The following MAPK8IP1 variants were observed in gnomAD, a reference collection of about 807,000 sequenced individuals.
MAPK8IP1 encodes the protein mitogen-activated protein kinase 8 interacting protein 1.
A neutral mutation model predicts 72.6 loss-of-function variants in MAPK8IP1; 17 were observed. The observed-to-expected ratio is 0.23, with a 90% CI of 0.16 to 0.35. The LOEUF (loss-of-function observed/expected upper bound fraction) is 0.35. Among genes scored for constraint, MAPK8IP1 ranks in the 10% least tolerant of loss-of-function variants. The pLI is 1.00. For synonymous variants in MAPK8IP1, 401 were observed against 443.4 expected (o/e 0.90, Z 1.20); for missense variants, 789 against 1,009.7 (o/e 0.78, Z 2.96).
intron 1 of MAPK8IP1, among the ~76,000 whole-genome samples, chr11:45,890,472 T>G (rs751127610): frequency 6.6e-6 from 1 of 152,196 alleles, no homozygotes; most frequent in Non-Finnish European, 1.5e-5. Context: ...ATCCTGGGGC[T>G]CACGCACCCA....
chr11:45,897,321 G>A (rs1277091511), intron 1 of MAPK8IP1, among the ~76,000 whole-genome samples: 1 of 152,110 alleles, frequency 6.6e-6, no homozygotes, highest in Admixed American at 6.5e-5. Context: ...GCTGGCCTAG[G>A]GAGAGGGGGG....
chr11:45,885,851 G>T lies in MAPK8IP1; in HGVS notation c.31G>T (p.Gly11Trp). 2.8e-6 allele frequency: 4 copies of T among 1,446,642 alleles called. No homozygotes were observed. Among genetic ancestry groups the T allele is most frequent in the Non-Finnish European group, 3.6e-6 (4 of 1,096,224 alleles). 89.6% of individuals were successfully genotyped at this position (1,446,642 alleles called of 1,614,324 possible). A position where few individuals can be genotyped will look rare whatever the true frequency, so the allele number is the denominator to read the frequency against. ...GGAGCGAGAAAGCGGCGGCCTGGGA[G>T]GGGGGGCCGCGTCCCCGCCCGCCGC... MAERESGGLG[G>W]GAASPPAASP... is the part of the protein sequence containing the mutation. The change falls in exon 1 of 12, where the codon GGG becomes TGG. Residue 11 changes from glycine (G) to tryptophan (W), a missense_variant. By Grantham distance (184) the Gly-to-Trp change is radical. This residue lies in a region of MAPK8IP1 where 112 missense variants were observed against 111.8 expected (regional missense o/e 1.00). Coordinates refer to ENST00000241014, the MANE Select transcript of MAPK8IP1 (RefSeq NM_005456.4).
intron 1 of MAPK8IP1, among the ~76,000 whole-genome samples, chr11:45,897,319 A>G (rs945492634): frequency 6.6e-6 from 1 of 151,964 alleles, no homozygotes; most frequent in African/African-American, 2.4e-5. Flanking sequence ...GGGCTGGCCT[A>G]GGGAGAGGGG....
In MAPK8IP1 at chr11:45,903,740, C is replaced by T. The variant is rs555714112; in HGVS notation, c.1494-249C>T. 7.9e-5 allele frequency among the ~76,000 whole-genome samples: 12 copies of T among 152,170 alleles called. No individual in the cohort carries two copies. In the South Asian group the frequency reaches 2.5e-3, roughly 32 times the overall value. On this transcript the variant is annotated intron_variant, in intron 6 of 11. Coordinates refer to ENST00000241014, the MANE Select transcript of MAPK8IP1 (RefSeq NM_005456.4). The surrounding 1 kb of genome is among the most constrained non-coding windows in gnomAD (Gnocchi z 6.4). ...TGACCCTTCTCTAGACAAAAGCCTG[C>T]GCTTCCCACAGCCTCTCCATTTTAG... is the stretch of plus-strand genomic sequence containing the variant.
chr11:45,904,894 T>A lies in MAPK8IP1; in HGVS notation c.1893+60T>A. 1 of 1,605,680 alleles carries A rather than the reference T, an allele frequency of 6.2e-7. No individual in the cohort carries two copies. Among genetic ancestry groups the A allele is most frequent in the Non-Finnish European group, 8.5e-7 (1 of 1,172,496 alleles). ...GCCCCAAGCTCTCCCCCAAGACTTG[T>A]GATGAAGAGGCCATCTCCTGTCACC... On this transcript the variant is annotated intron_variant, in intron 9 of 11. Transcript: ENST00000241014. The surrounding 1 kb of genome is among the most constrained non-coding windows in gnomAD (Gnocchi z 6.4).
Position 45,902,947 on chromosome 11 carries a change from G to C in MAPK8IP1, c.1180G>C (p.Val394Leu). The C allele has an allele frequency of 6.2e-7, 1 of 1,611,960 alleles. No individual in the cohort carries two copies. The highest frequency in any genetic ancestry group is 8.5e-7 in the Non-Finnish European group (1 of 1,179,784). ...AGATGAGCATGCACAGCTGGAGCTG[G>C]TGAGCCTGCGGCCGTGCTTCGGAGA... ...VVDEHAQLEL[V>L]SLRPCFGDYS... is the part of the protein sequence containing the mutation. Residue 394 changes from valine (V) to leucine (L), a missense_variant, in exon 5 of 12, where the codon GTG becomes CTG. Val to Leu is a conservative substitution (Grantham distance 32, BLOSUM62 1). Transcript: ENST00000241014. This position sits in a 1 kb window ranked among gnomAD's most constrained non-coding sequence, Gnocchi z 9.3.
intron 1 of MAPK8IP1, among the ~76,000 whole-genome samples, chr11:45,897,418 TCTC>T (rs1442396515): frequency 6.6e-6 from 1 of 152,140 alleles, no homozygotes; most frequent in East Asian, 1.9e-4. Context: ...ACCTGGGGCT[TCTC>T]CTGACCCCAT....
intron 2 of MAPK8IP1, among the ~76,000 whole-genome samples, chr11:45,899,032 TG>T (rs2086629574): frequency 6.6e-6 from 1 of 152,082 alleles, no homozygotes; most frequent in South Asian, 2.1e-4. Context: ...AGGTGTGCCT[TG>T]GGGAGGGAGT....
In MAPK8IP1 at chr11:45,900,473, G is replaced by A. The variant is rs1231165315; in HGVS notation, c.522+21G>A. ...CTCAGGTGAGGCGCCAACGTGGGGG[G>A]CGGCGCCCTGGGCCGCCGCGGAGAT... On this transcript the variant is annotated intron_variant, in intron 3 of 11. Transcript: ENST00000241014. The surrounding 1 kb of genome is among the most constrained non-coding windows in gnomAD (Gnocchi z 6.5). 7.2e-6 allele frequency: 11 copies of A among 1,530,402 alleles called. No homozygotes were observed. Among genetic ancestry groups the A allele is most frequent in the Non-Finnish European group, 8.7e-6 (10 of 1,144,734 alleles). 94.8% of individuals were successfully genotyped at this position (1,530,402 alleles called of 1,614,324 possible). A position where few individuals can be genotyped will look rare whatever the true frequency, so the allele number is the denominator to read the frequency against.
chr11:45,896,554 G>A, intron 1 of MAPK8IP1: 2 of 1,206,332 alleles, frequency 1.7e-6, no homozygotes, highest in Non-Finnish European at 1.0e-6. Context: ...GGCATTGATT[G>A]CAGTAACCTG....
intron 1 of MAPK8IP1, chr11:45,896,667 G>A: frequency 1.4e-6 from 2 of 1,404,854 alleles, no homozygotes; most frequent in Middle Eastern, 2.7e-4. Flanking sequence ...GCTGGGGCTG[G>A]GACCCGGGTC....
intron 1 of MAPK8IP1, among the ~76,000 whole-genome samples, chr11:45,896,224 C>G (rs2086604080): frequency 6.6e-6 from 1 of 152,226 alleles, no homozygotes; most frequent in Admixed American, 6.5e-5. Flanking sequence ...CCTGAAGGCT[C>G]AAGCTCTGGC....
chr11:45,887,619 C>T (rs964580238), intron 1 of MAPK8IP1, among the ~76,000 whole-genome samples: 15 of 152,236 alleles, frequency 9.9e-5, no homozygotes, highest in African/African-American at 2.7e-4. Context: ...TTTTCTTCCT[C>T]GACCTGCTTC....
In MAPK8IP1 at chr11:45,902,168, G is replaced by T; in HGVS notation, c.604+107G>T. 2 of 1,111,288 alleles carry T rather than the reference G, an allele frequency of 1.8e-6. No homozygotes were observed. Among genetic ancestry groups the T allele is most frequent in the Non-Finnish European group, 2.8e-6 (2 of 722,032 alleles). 68.8% of individuals were successfully genotyped at this position (1,111,288 alleles called of 1,614,324 possible). A position where few individuals can be genotyped will look rare whatever the true frequency, so the allele number is the denominator to read the frequency against. ...CCAAAGGGCTGAGTAGAGGTGAACTGCCCACCCACATCCCTGCACGAGCCC... is the reference window on the plus strand; with the variant it reads ...CCAAAGGGCTGAGTAGAGGTGAACTTCCCACCCACATCCCTGCACGAGCCC... On this transcript the variant is annotated intron_variant, in intron 4 of 11. Coordinates refer to ENST00000241014, the MANE Select transcript of MAPK8IP1 (RefSeq NM_005456.4). This position sits in a 1 kb window ranked among gnomAD's most constrained non-coding sequence, Gnocchi z 9.3.
In MAPK8IP1 at chr11:45,905,910, T is replaced by C. The variant is rs1590789769; in HGVS notation, c.*189T>C. 4.7e-6 allele frequency: 3 copies of C among 634,272 alleles called. No individual in the cohort carries two copies. The highest frequency in any genetic ancestry group is 2.8e-6 in the Non-Finnish European group (1 of 352,540). 39.3% of individuals were successfully genotyped at this position (634,272 alleles called of 1,614,324 possible). A position where few individuals can be genotyped will look rare whatever the true frequency, so the allele number is the denominator to read the frequency against. On this transcript the variant is annotated 3_prime_UTR_variant, in exon 12 of 12. Transcript: ENST00000241014. ...GAGGCAAATGCAGTTTATTGTAATA[T>C]ATGGGATTAGATTCATCTATGGAGG...
At position 45,903,886 on chromosome 11, in the gene MAPK8IP1, T is replaced by C. The variant is rs2086679200; in HGVS notation, c.1494-103T>C. On this transcript the variant is annotated intron_variant, in intron 6 of 11. Coordinates refer to ENST00000241014, the MANE Select transcript of MAPK8IP1 (RefSeq NM_005456.4). This position sits in a 1 kb window ranked among gnomAD's most constrained non-coding sequence, Gnocchi z 6.4. ...CAGGCACACAGGATGCTTTTGCAAATGTTTACTGAAATAACGATGCTGCTG... is the reference window on the plus strand; with the variant it reads ...CAGGCACACAGGATGCTTTTGCAAACGTTTACTGAAATAACGATGCTGCTG... 1.1e-5 allele frequency: 12 copies of C among 1,116,452 alleles called. No individual in the cohort carries two copies. The South Asian group carries it at 1.2e-4, about 12-fold the overall frequency. 69.2% of individuals were successfully genotyped at this position (1,116,452 alleles called of 1,614,324 possible). A position where few individuals can be genotyped will look rare whatever the true frequency, so the allele number is the denominator to read the frequency against.
At position 45,902,150 on chromosome 11, in the gene MAPK8IP1, G is replaced by A; in HGVS notation, c.604+89G>A. ...GAGCAAACCCTACAGTCTCCAAAGGGCTGAGTAGAGGTGAACTGCCCACCC... is the reference window on the plus strand; with the variant it reads ...GAGCAAACCCTACAGTCTCCAAAGGACTGAGTAGAGGTGAACTGCCCACCC... On this transcript the variant is annotated intron_variant, in intron 4 of 11. Coordinates refer to ENST00000241014, the MANE Select transcript of MAPK8IP1 (RefSeq NM_005456.4). This position sits in a 1 kb window ranked among gnomAD's most constrained non-coding sequence, Gnocchi z 9.3. The A allele has an allele frequency of 1.6e-6, 2 of 1,253,026 alleles. No individual in the cohort carries two copies. The highest frequency in any genetic ancestry group is 1.9e-4 in the Middle Eastern group (1 of 5,366). The allele number at this position is 1,253,026 out of a possible 1,614,324, so 77.6% of individuals were successfully genotyped here.
rs763263731 is a variant in MAPK8IP1 at position 45,903,069 on chromosome 11, C to T, written c.1302C>T (p.Ala434=). 4.3e-6 allele frequency: 7 copies of T among 1,611,350 alleles called. No homozygotes were observed. In the East Asian group the frequency reaches 1.6e-4, roughly 36 times the overall value. The part of the protein sequence containing the change: ...ESAIGEEYEE[A]PRPQPPACLS... ...CCATCGGAGAGGAATATGAGGAGGC[C>T]CCGCGGCCCCAGCCCCCTGCCTGCC... The change falls in exon 5 of 12, where the codon GCC becomes GCT. Residue 434 remains alanine (A), a synonymous_variant. Coordinates refer to ENST00000241014, the MANE Select transcript of MAPK8IP1 (RefSeq NM_005456.4). The surrounding 1 kb of genome is among the most constrained non-coding windows in gnomAD (Gnocchi z 6.4).
chr11:45,903,434 T>C lies in MAPK8IP1; in HGVS notation c.1487T>C (p.Ile496Thr). ...GEEQEQTHRA[I>T]FRFVPRHEDE... ...GAGCAGGAGCAGACCCACCGGGCCA[T>C]ATTCAGGTGAGAGCCATGGGCTGGC... The change falls in exon 6 of 12, where the codon ATA becomes ACA. Residue 496 changes from isoleucine (I) to threonine (T), a missense_variant. Physicochemically the swap from Ile to Thr is moderately conservative, Grantham distance 89. This residue lies in a region of MAPK8IP1 where 188 missense variants were observed against 293.3 expected (regional missense o/e 0.64). Coordinates refer to ENST00000241014, the MANE Select transcript of MAPK8IP1 (RefSeq NM_005456.4). This position sits in a 1 kb window ranked among gnomAD's most constrained non-coding sequence, Gnocchi z 6.4. The C allele has an allele frequency of 1.9e-6, 3 of 1,612,270 alleles. No individual in the cohort carries two copies. The highest frequency in any genetic ancestry group is 2.5e-6 in the Non-Finnish European group (3 of 1,179,858).
Sources: allele counts gnomAD v4.1 joint callset (sites outside exome capture counted in the v4.1 genomes callset), GRCh38; gene constraint gnomAD v4.1.1; regional missense constraint gnomAD v4.1.1; non-coding constraint Gnocchi (gnomAD v3.1); transcripts MANE v1.5; gene names NCBI Gene and HGNC (gene_info 2026-07-23, HGNC 2026-07-21).